Variants in SLC25A25 observed in about 807,000 individuals in gnomAD.
SLC25A25 encodes the protein solute carrier family 25 member 25.
A neutral mutation model predicts 57.7 loss-of-function variants in SLC25A25; 32 were observed. The observed-to-expected ratio is 0.55, with a 90% CI of 0.42 to 0.74. The LOEUF is 0.74. Among genes scored for constraint, SLC25A25 ranks in the 30% least tolerant of loss-of-function variants. The pLI, the probability that SLC25A25 is intolerant of heterozygous loss-of-function variation, is 0.00. For missense variants in SLC25A25, 556 were observed against 701.3 expected (o/e 0.79, Z 2.34); for synonymous variants, 306 against 291.2 (o/e 1.05, Z -0.52).
chr9:128,104,131 G>A (rs112592654), intron 6 of SLC25A25, among the ~76,000 whole-genome samples: 4 of 152,298 alleles, frequency 2.6e-5, no homozygotes, highest in African/African-American at 7.2e-5. Context: ...CTGTAAGTAC[G>A]TTTTGTGTAC....
rs1034548728 is a variant in SLC25A25 at position 128,107,716 on chromosome 9, G to T, written c.*272G>T. ...CTCCGGGCTCACATGTGTAAGGACA[G>T]GACATTTTCTGCAGTGCCTGCCAAT... On this transcript the variant is annotated 3_prime_UTR_variant, in exon 11 of 11. Coordinates refer to ENST00000373069, the MANE Select transcript of SLC25A25 (RefSeq NM_001330988.2). 1.7e-5 allele frequency: 7 copies of T among 415,704 alleles called. No individual in the cohort carries two copies. The highest frequency in any genetic ancestry group is 3.0e-5 in the Non-Finnish European group (7 of 235,896). 25.8% of individuals were successfully genotyped at this position (415,704 alleles called of 1,614,324 possible).
chr9:128,098,961 T>C, intron 1 of SLC25A25: 1 of 985,418 alleles, frequency 1.0e-6, no homozygotes, highest in Non-Finnish European at 1.2e-6. Context: ...AGAAATGGAC[T>C]TTCAGAAAGG....
chr9:128,096,381 C>T (rs1229147969), intron 1 of SLC25A25, among the ~76,000 whole-genome samples: 1 of 152,094 alleles, frequency 6.6e-6, no homozygotes, highest in Non-Finnish European at 1.5e-5. Flanking sequence ...TGGTGGTGGG[C>T]GCCTATAATC....
At chr9:128,075,858 C>T (rs1014666125) in intron 1 of SLC25A25, among the ~76,000 whole-genome samples, 2 of 151,958 alleles carry the variant, frequency 1.3e-5, no homozygotes, top group African/African-American at 4.8e-5. Context: ...AGAAAAAAAA[C>T]AAAAAAGAGT....
At chr9:128,071,821 C>T (rs1564175979) in intron 1 of SLC25A25, among the ~76,000 whole-genome samples, 1 of 152,018 alleles carries the variant, frequency 6.6e-6, no homozygotes. Flanking sequence ...AAGCAGTTCT[C>T]CTGCCTCAGC....
rs571618815 is a variant in SLC25A25 at position 128,101,014 on chromosome 9, T to C, written c.262-82T>C. 48 of 1,585,978 alleles carry C rather than the reference T, an allele frequency of 3.0e-5. No homozygotes were observed. The African/African-American group carries it at 4.7e-4, about 16-fold the overall frequency. On this transcript the variant is annotated intron_variant, in intron 1 of 10. Coordinates refer to ENST00000373069, the MANE Select transcript of SLC25A25 (RefSeq NM_001330988.2). The surrounding 1 kb of genome is among the most constrained non-coding windows in gnomAD (Gnocchi z 4.9). ...GCTCTGCTCGCAATTAGTGAAGTCA[T>C]TGCCTGGGGATGGGGCCCCACAAGG...
intron 1 of SLC25A25, among the ~76,000 whole-genome samples, chr9:128,070,195 A>C (rs1234390205): frequency 2.1e-5 from 3 of 142,468 alleles, no homozygotes; most frequent in Admixed American, 7.7e-5. Flanking sequence ...GGTTCACGCC[A>C]TTCTCCTGCC....
chr9:128,098,606 G>T, intron 1 of SLC25A25: 1 of 1,614,142 alleles, frequency 6.2e-7, no homozygotes, highest in African/African-American at 1.3e-5. Flanking sequence ...CATCGGGGAA[G>T]CCCAGACCGA....
At chr9:128,105,253 C>T (rs865876286) in intron 6 of SLC25A25, among the ~76,000 whole-genome samples, 7 of 147,670 alleles carry the variant, frequency 4.7e-5, no homozygotes, top group Middle Eastern at 7.0e-3. Context: ...TCACTGCAAC[C>T]TCCACCTCCC....
At position 128,072,999 on chromosome 9, in the gene SLC25A25, C is replaced by G. The variant is rs531547593; in HGVS notation, c.261+4419C>G. The stretch of plus-strand genomic sequence containing the variant: ...GAGGTTCTAGATGAGCTGCAGTTTG[C>G]TCATTTAGAGACTGGCATCCACACC... On this transcript the variant is annotated intron_variant, in intron 1 of 10. Coordinates refer to ENST00000373069, the MANE Select transcript of SLC25A25 (RefSeq NM_001330988.2). Among the ~76,000 whole-genome samples the G allele has an allele frequency of 3.3e-5, 5 of 152,260 alleles. No homozygotes were observed. The East Asian group carries it at 9.6e-4, about 29-fold the overall frequency.
At position 128,107,944 on chromosome 9, in the gene SLC25A25, G is replaced by T. The variant is rs1234194690; in HGVS notation, c.*500G>T. Reference sequence around the variant, plus strand: ...AATCCCATAATCCATGATGAAAGGTGAGGTCACGTGGCCTCCCAGGCCTGA... The same window carrying T: ...AATCCCATAATCCATGATGAAAGGTTAGGTCACGTGGCCTCCCAGGCCTGA... On this transcript the variant is annotated 3_prime_UTR_variant, in exon 11 of 11. Coordinates refer to ENST00000373069, the MANE Select transcript of SLC25A25 (RefSeq NM_001330988.2). 3 of 399,032 alleles carry T rather than the reference G, an allele frequency of 7.5e-6. No individual in the cohort carries two copies. The highest frequency in any genetic ancestry group is 8.8e-6 in the Non-Finnish European group (2 of 226,460). The allele number at this position is 399,032 out of a possible 1,614,324, so 24.7% of individuals were successfully genotyped here. A position where few individuals can be genotyped will look rare whatever the true frequency, so the allele number is the denominator to read the frequency against.
intron 1 of SLC25A25, among the ~76,000 whole-genome samples, chr9:128,089,787 C>A (rs1299205998): frequency 1.3e-5 from 2 of 151,940 alleles, no homozygotes; most frequent in East Asian, 3.9e-4. Flanking sequence ...ACAGGCACCA[C>A]GATGCCTGGC....
chr9:128,080,454 G>A (rs969511047), intron 1 of SLC25A25, among the ~76,000 whole-genome samples: 1 of 147,512 alleles, frequency 6.8e-6, no homozygotes, highest in Non-Finnish European at 1.5e-5. Flanking sequence ...ACCAGCTATG[G>A]TACACACCTT....
chr9:128,094,986 C>T (rs1019708060), intron 1 of SLC25A25, among the ~76,000 whole-genome samples: 6 of 152,286 alleles, frequency 3.9e-5, no homozygotes, highest in Admixed American at 2.6e-4. Flanking sequence ...TAAAGAGCAG[C>T]GAGGCATCGC....
At chr9:128,069,967 G>C (rs1231101441) in intron 1 of SLC25A25, among the ~76,000 whole-genome samples, 1 of 139,172 alleles carries the variant, frequency 7.2e-6, no homozygotes, top group African/African-American at 2.9e-5. Context: ...ACCCAGGCTC[G>C]AGTGCAGTGG....
intron 1 of SLC25A25, among the ~76,000 whole-genome samples, chr9:128,068,802 G>A (rs1023611128): frequency 2.0e-5 from 3 of 152,218 alleles, no homozygotes; most frequent in Non-Finnish European, 2.9e-5. Flanking sequence ...ACACAGGTGG[G>A]CATCCTATGG....
chr9:128,072,633 G>A (rs555602715), intron 1 of SLC25A25, among the ~76,000 whole-genome samples: 2 of 152,292 alleles, frequency 1.3e-5, no homozygotes, highest in East Asian at 1.9e-4. Context: ...CAGAGAAACC[G>A]TTGGCAGCCA....
In SLC25A25 at chr9:128,101,229, G is replaced by A. The variant is rs1833780100; in HGVS notation, c.388+7G>A. The A allele has an allele frequency of 6.2e-7, 1 of 1,614,264 alleles. No individual in the cohort carries two copies. Among genetic ancestry groups the A allele is most frequent in the East Asian group, 2.2e-5 (1 of 44,884 alleles). On this transcript the variant is annotated splice_region_variant and intron_variant, in intron 2 of 10. Transcript: ENST00000373069. The surrounding 1 kb of genome is among the most constrained non-coding windows in gnomAD (Gnocchi z 4.9). ...TTGGACAAAAAGAATGATGGTAAGT[G>A]TTGCCTTCAGAGCTGTGGCCGGTCC...
intron 1 of SLC25A25, among the ~76,000 whole-genome samples, chr9:128,070,949 T>G (rs1588741937): frequency 4.7e-5 from 1 of 21,262 alleles, no homozygotes; most frequent in Non-Finnish European, 1.4e-4. Context: ...AAACTCCATC[T>G]CAAAAAAAAA....
Sources: gnomAD v4.1 joint callset for allele counts (sites outside exome capture counted in the v4.1 genomes callset) on GRCh38, gnomAD v4.1.1 for gene constraint, Gnocchi (gnomAD v3.1) non-coding constraint, MANE v1.5 for transcripts, NCBI Gene and HGNC (gene_info 2026-07-23, HGNC 2026-07-21) for gene names.